OR4K1: variants seen among roughly 807,000 people sequenced by gnomAD.
The protein encoded by OR4K1 is olfactory receptor 4K1.
A neutral mutation model predicts 14.4 loss-of-function variants in OR4K1; 16 were observed. The observed-to-expected ratio is 1.11, with a 90% CI of 0.75 to 1.68. OR4K1 has a LOEUF of 1.68. Among genes scored for constraint, OR4K1 ranks in the 40% most tolerant of loss-of-function variants. The probability of loss-of-function intolerance (pLI) is 0.00; values close to 1 mark genes in which losing one functional copy is unlikely to be tolerated. For synonymous variants in OR4K1, 181 were observed against 133.1 expected, an observed-to-expected ratio of 1.36 and a Z score of -2.48; for missense variants, 548 against 376.9, an observed-to-expected ratio of 1.45 and a Z score of -3.76.
Position 19,932,145 on chromosome 14 carries a change from A to C in OR4K1, c.-20+1000A>C, listed in dbSNP as rs140710393. 1.9e-3 allele frequency among the ~76,000 whole-genome samples: 288 copies of C among 152,276 alleles called. 9 individuals carry two copies. In the East Asian group the frequency reaches 0.046, roughly 24 times the overall value. On this transcript the variant is annotated intron_variant, in intron 1 of 1. Transcript: ENST00000641172. ...ATATTTTGAAAAATTAAGACTAAAAACCTTATCATTTATTAGATATTGAAA... is the reference window on the plus strand; with the variant it reads ...ATATTTTGAAAAATTAAGACTAAAACCCTTATCATTTATTAGATATTGAAA...
chr14:19,927,474 G>A (rs1447408350), upstream of OR4K1, among the ~76,000 whole-genome samples: 2 of 152,262 alleles, frequency 1.3e-5, no homozygotes, highest in East Asian at 3.8e-4. Context: ...TTGGAGGAAA[G>A]TAGTCTGGGA....
In OR4K1 at chr14:19,936,337, G is replaced by T. The variant is rs1286885867; in HGVS notation, c.671G>T (p.Gly224Val). The change falls in exon 2 of 2, where the codon GGT becomes GTT. Residue 224 changes from glycine (G) to valine (V), a missense_variant. Coordinates refer to ENST00000641172, the MANE Select transcript of OR4K1 (RefSeq NM_001004063.3). ...LIISYTIILI[G>V]VRCRSSSGSS... is the part of the protein sequence containing the mutation. ...ATTTCCTACACCATCATTTTGATCG[G>T]TGTCCGATGCAGGTCCTCCAGTGGG... 1 of 1,614,122 alleles carries T rather than the reference G, an allele frequency of 6.2e-7. No individual in the cohort carries two copies. Among genetic ancestry groups the T allele is most frequent in the East Asian group, 2.2e-5 (1 of 44,904 alleles).
At chr14:19,929,019 A>G (rs1882123544), upstream of OR4K1, among the ~76,000 whole-genome samples, 1 of 150,506 alleles carries the variant, frequency 6.6e-6, no homozygotes, top group Non-Finnish European at 1.5e-5. Context: ...ACATAGCCAT[A>G]TATTTATGGC....
intron 1 of OR4K1, among the ~76,000 whole-genome samples, chr14:19,933,156 C>G (rs1051956581): frequency 5.3e-5 from 8 of 151,554 alleles, no homozygotes; most frequent in African/African-American, 1.9e-4. Flanking sequence ...ATTATTATTA[C>G]AGTATAATGA....
chr14:19,921,104 G>C, the OR4K1 span: 16 of 1,614,148 alleles, frequency 9.9e-6, no homozygotes, highest in Non-Finnish European at 1.4e-5. Context: ...CTGTGAACCT[G>C]CCTTTTTGTG....
chr14:19,935,694 T>A lies in OR4K1; in HGVS notation c.28T>A (p.Ser10Thr), dbSNP rs754037840. Reference protein sequence around the residue: MAHTNESMVSEFVLLGLSNS... With the variant: MAHTNESMVTEFVLLGLSNS... ...GGCTCACACAAATGAATCGATGGTGTCTGAGTTTGTACTTTTGGGACTCTC... is the reference window on the plus strand; with the variant it reads ...GGCTCACACAAATGAATCGATGGTGACTGAGTTTGTACTTTTGGGACTCTC... The change falls in exon 2 of 2, where the codon TCT becomes ACT. Residue 10 changes from serine to threonine, a missense_variant. Ser to Thr is a moderately conservative substitution (Grantham distance 58). Coordinates refer to ENST00000641172, the MANE Select transcript of OR4K1 (RefSeq NM_001004063.3). The A allele has an allele frequency of 2.5e-6, 4 of 1,608,440 alleles. No individual in the cohort carries two copies. In the South Asian group the frequency reaches 4.5e-5, roughly 18 times the overall value.
intron 1 of OR4K1, among the ~76,000 whole-genome samples, chr14:19,933,543 G>A (rs1882232953): frequency 6.6e-6 from 1 of 152,256 alleles, no homozygotes; most frequent in Non-Finnish European, 1.5e-5. Flanking sequence ...TTGTAGTTAG[G>A]TCAGTTCATG....
the OR4K1 span, among the ~76,000 whole-genome samples, chr14:19,924,400 CAAAAAAAAA>C: frequency 1.1e-4 from 9 of 79,252 alleles, no homozygotes; most frequent in African/African-American, 4.0e-4. Context: ...AACTCCGTAT[CAAAAAAAAA>C]AAAAAAAAAA....
At chr14:19,929,836 G>T (rs2138588590), upstream of OR4K1, among the ~76,000 whole-genome samples, 1 of 152,258 alleles carries the variant, frequency 6.6e-6, no homozygotes, top group East Asian at 1.9e-4. Flanking sequence ...TTTTACTATT[G>T]TGATAGTCCC....
At chr14:19,932,294 C>CTCTTTCT (rs770024128) in intron 1 of OR4K1, among the ~76,000 whole-genome samples, 2 of 152,008 alleles carry the variant, frequency 1.3e-5, no homozygotes, top group Non-Finnish European at 2.9e-5. Context: ...ATGTTTCATT[C>CTCTTTCT]TCTTTCTTCT....
chr14:19,922,954 G>A, the OR4K1 span, among the ~76,000 whole-genome samples: 4 of 152,062 alleles, frequency 2.6e-5, no homozygotes, highest in African/African-American at 7.2e-5. Flanking sequence ...ATCTTTTTTT[G>A]TGTGTATGTG....
chr14:19,926,120 T>C (rs201676596), upstream of OR4K1, among the ~76,000 whole-genome samples: 325 of 152,324 alleles, frequency 2.1e-3, 10 homozygotes, highest in East Asian at 0.047. Context: ...CCATATTATA[T>C]GTTGTATTTG....
Position 19,935,648 on chromosome 14 carries a change from G to T in OR4K1, c.-19G>T. ...CATTTTTCTGATTTCTTTTTTTTAG[G>T]TAACTGAATATTGGATACATGGCTC... On this transcript the variant is annotated splice_region_variant and 5_prime_UTR_variant, in exon 2 of 2. Transcript: ENST00000641172. 4 of 1,543,454 alleles carry T rather than the reference G, an allele frequency of 2.6e-6. No homozygotes were observed. Among genetic ancestry groups the T allele is most frequent in the Admixed American group, 2.2e-5 (1 of 46,182 alleles).
intron 1 of OR4K1, among the ~76,000 whole-genome samples, chr14:19,933,173 A>G (rs1882224436): frequency 6.6e-6 from 1 of 151,872 alleles, no homozygotes; most frequent in African/African-American, 2.4e-5. Context: ...ATGAACTGGT[A>G]TATATTCTAT....
chr14:19,924,182 C>A, the OR4K1 span, among the ~76,000 whole-genome samples: 1 of 152,138 alleles, frequency 6.6e-6, no homozygotes, highest in East Asian at 1.9e-4. Context: ...GGGCGGATAA[C>A]CTGAGGTCAG....
At chr14:19,927,984 T>C (rs1215716753), upstream of OR4K1, among the ~76,000 whole-genome samples, 9 of 152,338 alleles carry the variant, frequency 5.9e-5, no homozygotes, top group Non-Finnish European at 1.2e-4. Context: ...GATCCATTTT[T>C]CTGGGAAGCT....
intron 1 of OR4K1, chr14:19,931,366 A>C (rs1243841015): frequency 2.6e-5 from 4 of 152,390 alleles, no homozygotes; most frequent in African/African-American, 9.6e-5. Flanking sequence ...CCTGGTAAGA[A>C]GAGGATCAGA....
At chr14:19,927,493 T>C (rs1238283796), upstream of OR4K1, among the ~76,000 whole-genome samples, 3 of 152,220 alleles carry the variant, frequency 2.0e-5, no homozygotes, top group African/African-American at 4.8e-5. Context: ...GAGGGAAGAA[T>C]GAGGATGAAC....
chr14:19,921,065 G>C, the OR4K1 span: 14 of 1,614,146 alleles, frequency 8.7e-6, no homozygotes, highest in Middle Eastern at 1.6e-4. Context: ...CTGTGAGCTT[G>C]GTGCACACAT....
Sources: gnomAD v4.1 joint callset for allele counts (sites outside exome capture counted in the v4.1 genomes callset) on GRCh38, gnomAD v4.1.1 for gene constraint, MANE v1.5 for transcripts, NCBI Gene and HGNC (gene_info 2026-07-23, HGNC 2026-07-21) for gene names.